USP15: variants seen among roughly 807,000 people sequenced by gnomAD.
The protein encoded by USP15 is ubiquitin specific peptidase 15.
USP15 carries 18 observed loss-of-function variants against 127.1 expected under a neutral mutation model. The observed-to-expected ratio is 0.14, with a 90% CI of 0.10 to 0.21. The LOEUF is 0.21. Among genes scored for constraint, USP15 ranks in the 10% least tolerant of loss-of-function variants. The pLI, the probability that USP15 is intolerant of heterozygous loss-of-function variation, is 1.00. For synonymous variants in USP15, 364 were observed against 393.7 expected, an observed-to-expected ratio of 0.92 and a Z score of 0.89; for missense variants, 805 against 1,159.9, an observed-to-expected ratio of 0.69 and a Z score of 4.44.
intron 3 of USP15, among the ~76,000 whole-genome samples, chr12:62,307,897 A>G (rs934198231): frequency 6.6e-6 from 1 of 152,150 alleles, no homozygotes; most frequent in Non-Finnish European, 1.5e-5. Context: ...TTACAAGAAA[A>G]AGGGTGAGTA....
At chr12:62,312,071 T>C (rs1435985108) in intron 3 of USP15, among the ~76,000 whole-genome samples, 1 of 151,784 alleles carries the variant, frequency 6.6e-6, no homozygotes, top group Non-Finnish European at 1.5e-5. Flanking sequence ...ATTTATCTAC[T>C]TCTCTGTCTT....
At chr12:62,295,561 A>G (rs1166266562) in intron 2 of USP15, among the ~76,000 whole-genome samples, 22 of 152,226 alleles carry the variant, frequency 1.4e-4, no homozygotes, top group Admixed American at 1.4e-3. Flanking sequence ...AAGCAATGTC[A>G]ATCTTAAAAA....
Position 62,414,890 on chromosome 12 carries a change from C to A in USP15, c.*10515C>A, listed in dbSNP as rs1565930282. ...CTAATTCCTTGTATTAATCAGGATT[C>A]TCCAGAGAAACAAGACCAATAGGAT... On this transcript the variant is annotated 3_prime_UTR_variant, in exon 22 of 22. Transcript: ENST00000280377. 6.7e-6 allele frequency: 1 copy of A among 149,504 alleles called. No homozygotes were observed. The allele number at this position is 149,504 out of a possible 1,614,324, so 9.3% of individuals were successfully genotyped here.
chr12:62,365,024 G>A (rs1027621974), intron 8 of USP15, among the ~76,000 whole-genome samples: 6 of 152,138 alleles, frequency 3.9e-5, no homozygotes, highest in African/African-American at 1.2e-4. Flanking sequence ...GTGTATGTGT[G>A]CATGTGTCTT....
At chr12:62,270,831 A>G (rs1021585383) in intron 1 of USP15, among the ~76,000 whole-genome samples, 1 of 152,062 alleles carries the variant, frequency 6.6e-6, no homozygotes, top group African/African-American at 2.4e-5. Flanking sequence ...CTATGTTGAA[A>G]TGTTGTTTTG....
intron 8 of USP15, among the ~76,000 whole-genome samples, chr12:62,376,150 T>C (rs937885935): frequency 3.4e-5 from 5 of 148,188 alleles, no homozygotes; most frequent in African/African-American, 1.2e-4. Flanking sequence ...AATCCTTAAA[T>C]TTTCAAATGC....
chr12:62,348,809 C>T (rs2065891381), intron 6 of USP15, among the ~76,000 whole-genome samples: 1 of 152,014 alleles, frequency 6.6e-6, no homozygotes, highest in Admixed American at 6.6e-5. Context: ...TTGGAATGTT[C>T]TCTGATCTCT....
chr12:62,267,005 G>T (rs556727253), intron 1 of USP15, among the ~76,000 whole-genome samples: 7 of 152,030 alleles, frequency 4.6e-5, no homozygotes, highest in South Asian at 4.2e-4. Flanking sequence ...ATTAAAAATG[G>T]TTTTATGCTG....
At chr12:62,381,404 A>G (rs2137567883) in intron 8 of USP15, 86 bp from the exon 9 acceptor site, 1 of 1,188,764 alleles carries the variant, frequency 8.4e-7, no homozygotes. Context: ...ATAGCAAATC[A>G]ATTTGTTTCT....
At chr12:62,344,340 C>T (rs1266666414) in intron 6 of USP15, among the ~76,000 whole-genome samples, 2 of 152,186 alleles carry the variant, frequency 1.3e-5, no homozygotes, top group Non-Finnish European at 2.9e-5. Flanking sequence ...GCAGGGCAGT[C>T]AAATCTTAAA....
chr12:62,333,656 T>C (rs938566956), intron 6 of USP15, among the ~76,000 whole-genome samples: 17 of 152,144 alleles, frequency 1.1e-4, no homozygotes, highest in Non-Finnish European at 2.4e-4. Flanking sequence ...TATGTTGTTA[T>C]TCTCATTAAG....
At chr12:62,261,726 G>T (rs1023054340) in intron 1 of USP15, among the ~76,000 whole-genome samples, 1 of 152,056 alleles carries the variant, frequency 6.6e-6, no homozygotes, top group Non-Finnish European at 1.5e-5. Flanking sequence ...TCTTATCTCT[G>T]CTCTTTACTC....
intron 2 of USP15, among the ~76,000 whole-genome samples, chr12:62,300,904 G>C (rs60973427): frequency 1.3e-5 from 2 of 152,112 alleles, no homozygotes; most frequent in South Asian, 2.1e-4. Flanking sequence ...AGTAACAAAA[G>C]CTTCTTTAAA....
chr12:62,401,792 A>G (rs2067696602), intron 21 of USP15, among the ~76,000 whole-genome samples: 1 of 151,582 alleles, frequency 6.6e-6, no homozygotes, highest in Non-Finnish European at 1.5e-5. Flanking sequence ...AGTAAAAAAA[A>G]TGAGGAAGTT....
intron 1 of USP15, among the ~76,000 whole-genome samples, chr12:62,289,543 A>G (rs2063892052): frequency 6.6e-6 from 1 of 151,864 alleles, no homozygotes; most frequent in South Asian, 2.1e-4. Context: ...TCTCTTTTCA[A>G]AGAACTAACT....
At chr12:62,289,286 T>C (rs924210317) in intron 1 of USP15, among the ~76,000 whole-genome samples, 3 of 152,110 alleles carry the variant, frequency 2.0e-5, no homozygotes, top group Admixed American at 2.0e-4. Flanking sequence ...GTACTCATTA[T>C]TGGTCTGTTC....
rs1047113729 is a variant in USP15, at chr12:62,410,303, G to C, written c.*5928G>C. ...ATTATCTATTTGTAATCACATTGTG[G>C]TGAATTATCAGTCTCCCAAGAATTA... On this transcript the variant is annotated 3_prime_UTR_variant, in exon 22 of 22. Coordinates refer to ENST00000280377, the MANE Select transcript of USP15 (RefSeq NM_001252078.2). The C allele has an allele frequency of 6.6e-6, 1 of 151,928 alleles. No individual in the cohort carries two copies. Among genetic ancestry groups the C allele is most frequent in the African/African-American group, 2.4e-5 (1 of 41,348 alleles). The allele number at this position is 151,928 out of a possible 1,614,324, so 9.4% of individuals were successfully genotyped here. A position where few individuals can be genotyped will look rare whatever the true frequency, so the allele number is the denominator to read the frequency against.
chr12:62,338,175 G>C (rs2065533826), intron 6 of USP15, among the ~76,000 whole-genome samples: 1 of 152,060 alleles, frequency 6.6e-6, no homozygotes, highest in African/African-American at 2.4e-5. Flanking sequence ...TCACTATTCT[G>C]ACTGGTGTGA....
At chr12:62,340,660 G>A (rs1201583033) in intron 6 of USP15, among the ~76,000 whole-genome samples, 5 of 152,142 alleles carry the variant, frequency 3.3e-5, no homozygotes, top group Admixed American at 2.0e-4. Flanking sequence ...TCAGGAGCAG[G>A]TTCTTCAATT....
Sources: gnomAD v4.1 joint callset for allele counts (sites outside exome capture counted in the v4.1 genomes callset) on GRCh38, gnomAD v4.1.1 for gene constraint, MANE v1.5 for transcripts, NCBI Gene and HGNC (gene_info 2026-07-23, HGNC 2026-07-21) for gene names.